The following WDR44 variants were observed in gnomAD, a reference collection of about 807,000 sequenced individuals.
WDR44 encodes WD repeat-containing protein 44.
WDR44 carries 9 observed loss-of-function variants against 65.7 expected under a neutral mutation model. The observed-to-expected ratio is 0.14, with a 90% CI of 0.08 to 0.24. WDR44 has a LOEUF of 0.24. WDR44 is among the 10% of genes least tolerant of loss of function. The probability of loss-of-function intolerance (pLI) is 1.00; values close to 1 mark genes in which losing one functional copy is unlikely to be tolerated. For synonymous variants in WDR44, 220 were observed against 235.2 expected (o/e 0.94, Z 0.59); for missense variants, 425 against 670.9 (o/e 0.63, Z 4.05).
Position 118,447,895 on chromosome X carries a change from TA to T in WDR44, c.2648-997del, listed in dbSNP as rs1569389496. Among the ~76,000 whole-genome samples, 45 of 96,535 alleles carry T rather than the reference TA, an allele frequency of 4.7e-4. 1 individual carries two copies. The highest frequency in any genetic ancestry group is 1.1e-3 in the African/African-American group (29 of 26,519). The allele number at this position is 96,535 out of a possible 115,157, so 83.8% of individuals were successfully genotyped here. The stretch of plus-strand genomic sequence containing the variant: ...TCTAAAATATATATATATATATATA[TA>T]TATATATATATATATATACTTGTAT... On this transcript the variant is annotated intron_variant, in intron 19 of 19. Transcript: ENST00000254029.
intron 14 of WDR44, among the ~76,000 whole-genome samples, chrX:118,437,219 G>A (rs1369708334): frequency 9.0e-6 from 1 of 111,679 alleles, no homozygotes; most frequent in Non-Finnish European, 1.9e-5. Flanking sequence ...AGGCAAAGAC[G>A]AAAATTCATT....
intron 12 of WDR44, among the ~76,000 whole-genome samples, chrX:118,421,916 G>C (rs1398135929): frequency 1.8e-5 from 2 of 111,639 alleles, no homozygotes; most frequent in Admixed American, 9.5e-5. Context: ...ATTGATAATT[G>C]CATCAGATTG....
chrX:118,396,001 G>A (rs1474383835), intron 6 of WDR44, among the ~76,000 whole-genome samples: 1 of 107,295 alleles, frequency 9.3e-6, no homozygotes, highest in African/African-American at 3.5e-5. Context: ...CAACCTGGGC[G>A]ACAGAGCAAG....
chrX:118,440,145 A>G (rs2147751916), intron 14 of WDR44, among the ~76,000 whole-genome samples: 1 of 109,453 alleles, frequency 9.1e-6, no homozygotes, highest in South Asian at 3.9e-4. Context: ...AGAAAGAAAG[A>G]AAGAAAAATT....
chrX:118,372,667 C>T (rs1371960859), intron 1 of WDR44, among the ~76,000 whole-genome samples: 1 of 112,214 alleles, frequency 8.9e-6, no homozygotes, highest in African/African-American at 3.2e-5. Context: ...TCCCTAGATT[C>T]TCCCTTCACC....
At chrX:118,431,160 T>C (rs2057207066) in intron 12 of WDR44, among the ~76,000 whole-genome samples, 1 of 112,013 alleles carries the variant, frequency 8.9e-6, no homozygotes, top group African/African-American at 3.2e-5. Context: ...CCAAACCATC[T>C]TTTACATTAC....
intron 1 of WDR44, among the ~76,000 whole-genome samples, chrX:118,372,615 A>G (rs1253132386): frequency 8.9e-6 from 1 of 112,107 alleles, no homozygotes; most frequent in Non-Finnish European, 1.9e-5. Flanking sequence ...AAAGTTCAAA[A>G]TAAGATTATG....
At chrX:118,400,365 C>T (rs1225172285) in intron 8 of WDR44, among the ~76,000 whole-genome samples, 1 of 111,211 alleles carries the variant, frequency 9.0e-6, no homozygotes, top group African/African-American at 3.3e-5. Context: ...ATGATGGTAA[C>T]GATCTTATCC....
chrX:118,420,360 C>T (rs1229199639), intron 12 of WDR44, among the ~76,000 whole-genome samples: 1 of 110,806 alleles, frequency 9.0e-6, no homozygotes, highest in African/African-American at 3.3e-5. Flanking sequence ...TCAAGGGGTT[C>T]TCCTGCCTCA....
intron 2 of WDR44, among the ~76,000 whole-genome samples, chrX:118,383,349 C>T (rs779743888): frequency 1.8e-5 from 2 of 111,333 alleles, no homozygotes; most frequent in African/African-American, 6.6e-5. Context: ...TGCAGTGACT[C>T]ACGCCTGTTA....
At chrX:118,382,781 A>G (rs2056731311) in intron 2 of WDR44, among the ~76,000 whole-genome samples, 1 of 112,244 alleles carries the variant, frequency 8.9e-6, no homozygotes, top group Non-Finnish European at 1.9e-5. Flanking sequence ...AAATTGAATA[A>G]GCTACCATAC....
intron 1 of WDR44, among the ~76,000 whole-genome samples, chrX:118,349,283 C>G (rs1323103884): frequency 2.8e-5 from 3 of 105,746 alleles, no homozygotes; most frequent in African/African-American, 1.0e-4. Context: ...GGGTCTCACT[C>G]TGTTGCCCAG....
chrX:118,396,863 TATATCTAAA>T lies in WDR44; in HGVS notation c.1054-105_1054-97del, dbSNP rs1297510806. ...AGAAATTATTGTGTGCAGTATTGAA[TATATCTAAA>T]AAGCCTTTAGCTTAAATTTTAGGGG... On this transcript the variant is annotated intron_variant, in intron 6 of 19. Coordinates refer to ENST00000254029, the MANE Select transcript of WDR44 (RefSeq NM_019045.5). 2.8e-5 allele frequency: 24 copies of T among 858,358 alleles called. No individual in the cohort carries two copies. In the Admixed American group the frequency reaches 3.5e-4, roughly 12 times the overall value. 70.7% of individuals were successfully genotyped at this position (858,358 alleles called of 1,213,427 possible). A position where few individuals can be genotyped will look rare whatever the true frequency, so the allele number is the denominator to read the frequency against.
intron 2 of WDR44, among the ~76,000 whole-genome samples, chrX:118,380,113 A>AT (rs1443211934): frequency 8.9e-6 from 1 of 111,998 alleles, no homozygotes; most frequent in East Asian, 2.8e-4. Flanking sequence ...GATATTGTTC[A>AT]TTTTTTTAAC....
At chrX:118,369,612 GCGCC>G in intron 1 of WDR44, among the ~76,000 whole-genome samples, 1 of 106,437 alleles carries the variant, frequency 9.4e-6, no homozygotes, top group Non-Finnish European at 1.9e-5. Context: ...GGGGCTACAG[GCGCC>G]CACCACCACG....
At chrX:118,443,804 G>GTAGGCT in intron 18 of WDR44, 117 bp downstream of exon 18, 1 of 766,131 alleles carries the variant, frequency 1.3e-6, no homozygotes, top group Non-Finnish European at 1.8e-6. Context: ...CAGCACTTTG[G>GTAGGCT]GAGGCCCATA....
At chrX:118,395,183 G>C in intron 5 of WDR44, 66 bp from the exon 6 acceptor site, 1 of 944,102 alleles carries the variant, frequency 1.1e-6, no homozygotes, top group Non-Finnish European at 1.5e-6. Flanking sequence ...AATTATATGT[G>C]GTAATAATTG....
chrX:118,395,733 G>C (rs1381299378), intron 6 of WDR44, among the ~76,000 whole-genome samples: 1 of 111,861 alleles, frequency 8.9e-6, no homozygotes, highest in Non-Finnish European at 1.9e-5. Flanking sequence ...AAAAGAACTT[G>C]ATATTGAGGC....
chrX:118,383,810 C>T (rs1324223709), intron 2 of WDR44, among the ~76,000 whole-genome samples: 1 of 98,360 alleles, frequency 1.0e-5, no homozygotes, highest in Non-Finnish European at 2.0e-5. Flanking sequence ...CAAGTATTCT[C>T]TCTCCACCTT....
Sources: allele counts gnomAD v4.1 joint callset (sites outside exome capture counted in the v4.1 genomes callset), GRCh38; gene constraint gnomAD v4.1.1; transcripts MANE v1.5; gene names NCBI Gene and HGNC (gene_info 2026-07-23, HGNC 2026-07-21).